Variants in ITIH2 observed in about 807,000 individuals in gnomAD.
The protein encoded by ITIH2 is inter-alpha-trypsin inhibitor heavy chain H2.
In ITIH2, 103 loss-of-function variants were observed where a neutral mutation model predicts 104.4. The ratio of observed to expected loss-of-function variants is 0.99; its 90% CI spans 0.84 to 1.16. ITIH2 has a LOEUF of 1.16. Ranked by LOEUF, ITIH2 falls within the 50% of genes most tolerant of loss-of-function variation. ITIH2 has a pLI of 0.00. For missense variants in ITIH2, 1,108 were observed against 1,162.4 expected, an observed-to-expected ratio of 0.95 and a Z score of 0.68; for synonymous variants, 436 against 435.4, an observed-to-expected ratio of 1.00 and a Z score of -0.02.
chr10:7,709,275 T>A, intron 4 of ITIH2, 84 bp downstream of exon 4: 1 of 1,267,856 alleles, frequency 7.9e-7, no homozygotes, highest in Non-Finnish European at 1.1e-6. Flanking sequence ...TGGACTTTAG[T>A]GGTCAACTGT....
At chr10:7,710,658 G>C (rs1304700647) in intron 4 of ITIH2, among the ~76,000 whole-genome samples, 1 of 152,200 alleles carries the variant, frequency 6.6e-6, no homozygotes, top group Non-Finnish European at 1.5e-5. Flanking sequence ...GCTGCCGAAA[G>C]TGGCAGTCAT....
At chr10:7,722,998 C>T (rs1005362048) in intron 8 of ITIH2, among the ~76,000 whole-genome samples, 3 of 143,112 alleles carry the variant, frequency 2.1e-5, no homozygotes, top group Admixed American at 7.0e-5. Flanking sequence ...AGTGGAGTGG[C>T]GTGAAGTCGG....
chr10:7,738,479 G>A (rs1180418537), intron 15 of ITIH2, 142 bp from the exon 16 acceptor site: 6 of 877,262 alleles, frequency 6.8e-6, no homozygotes, highest in African/African-American at 1.7e-5. Flanking sequence ...GAGGGAGCCC[G>A]AGAGAACTCT....
At chr10:7,719,024 G>A (rs1047081936) in intron 6 of ITIH2, among the ~76,000 whole-genome samples, 7 of 152,210 alleles carry the variant, frequency 4.6e-5, no homozygotes, top group African/African-American at 1.7e-4. Flanking sequence ...AAGAGGCAGA[G>A]CTAGGCAAGA....
chr10:7,707,785 G>A (rs111297004), intron 3 of ITIH2, among the ~76,000 whole-genome samples: 7,674 of 152,132 alleles, frequency 0.05, 262 homozygotes, highest in Admixed American at 0.077. Flanking sequence ...GGCTGGTCTC[G>A]AACTCCTGAC....
chr10:7,723,640 A>T lies in ITIH2; in HGVS notation c.984+73A>T, dbSNP rs1419459621. On this transcript the variant is annotated intron_variant, in intron 9 of 20. Transcript: ENST00000358415. ...TTGATCCCCTCCTAAAAATGCAATC[A>T]TTCTATCCCTCCTCCCTGCTTAGGG... 5 of 938,076 alleles carry T rather than the reference A, an allele frequency of 5.3e-6. No homozygotes were observed. In the Admixed American group the frequency reaches 8.5e-5, roughly 16 times the overall value. 58.1% of individuals were successfully genotyped at this position (938,076 alleles called of 1,614,324 possible).
At chr10:7,748,023 G>A (rs981221270) in intron 20 of ITIH2, among the ~76,000 whole-genome samples, 6 of 151,520 alleles carry the variant, frequency 4.0e-5, no homozygotes, top group African/African-American at 9.7e-5. Flanking sequence ...TTGCCAACAT[G>A]TTGAAACCCC....
intron 15 of ITIH2, 71 bp from the exon 16 acceptor site, chr10:7,738,550 T>A: frequency 1.3e-6 from 2 of 1,567,600 alleles, no homozygotes; most frequent in Non-Finnish European, 1.8e-6. Context: ...TAAAACAGAT[T>A]CTTGACATGG....
chr10:7,722,847 C>G (rs145837502), intron 8 of ITIH2, among the ~76,000 whole-genome samples: 1 of 152,232 alleles, frequency 6.6e-6, no homozygotes, highest in Non-Finnish European at 1.5e-5. Flanking sequence ...CTCCACTTAC[C>G]CTTATCCTCT....
Position 7,717,746 on chromosome 10 carries a change from C to T in ITIH2, c.588C>T (p.His196=). The change falls in exon 6 of 21, where the codon CAC becomes CAT. Residue 196 remains histidine (H), a synonymous_variant. Transcript: ENST00000358415. ...GGAGGAAGCTGGGCTCCTATGAGCA[C>T]AGGATCTATCTGCAACCTGGACGGC... is the stretch of plus-strand genomic sequence containing the variant. ...VKWRKLGSYE[H]RIYLQPGRLA... The T allele has an allele frequency of 6.2e-7, 1 of 1,612,646 alleles. No homozygotes were observed. The highest frequency in any genetic ancestry group is 8.5e-7 in the Non-Finnish European group (1 of 1,179,742).
At chr10:7,748,617 C>G (rs1240422212) in intron 20 of ITIH2, among the ~76,000 whole-genome samples, 2 of 134,120 alleles carry the variant, frequency 1.5e-5, no homozygotes, top group African/African-American at 5.5e-5. Context: ...CTTGGGCTCA[C>G]TGCAACCTCC....
rs76513467 is a variant in ITIH2, at chr10:7,744,467, C to T, written c.2408+187C>T. Among the ~76,000 whole-genome samples the T allele has an allele frequency of 4.5e-3, 684 of 152,292 alleles. 10 individuals carry two copies. The highest frequency in any genetic ancestry group is 0.016 in the African/African-American group (653 of 41,568). On this transcript the variant is annotated intron_variant, in intron 18 of 20. Coordinates refer to ENST00000358415, the MANE Select transcript of ITIH2 (RefSeq NM_002216.3). Reference sequence around the variant, plus strand: ...GTGGGCACTGTGTGTTTTTGGTCACCGTTGGGTCCCAGGACCTAGTCCAGT... The same window carrying T: ...GTGGGCACTGTGTGTTTTTGGTCACTGTTGGGTCCCAGGACCTAGTCCAGT...
Position 7,713,134 on chromosome 10 carries a change from A to AG in ITIH2, c.363-47_363-46insG, listed in dbSNP as rs764481949. On this transcript the variant is annotated intron_variant, in intron 4 of 20. Transcript: ENST00000358415. The stretch of plus-strand genomic sequence containing the variant: ...GACTCCATCTCGAGGGGAAAAAAAA[A>AG]AAAGATTACTATTCTGACCAACTGG... 3.3e-5 allele frequency: 49 copies of AG among 1,481,284 alleles called. No individual in the cohort carries two copies. The African/African-American group carries it at 6.5e-4, about 20-fold the overall frequency. 91.8% of individuals were successfully genotyped at this position (1,481,284 alleles called of 1,614,324 possible). A position where few individuals can be genotyped will look rare whatever the true frequency, so the allele number is the denominator to read the frequency against.
intron 6 of ITIH2, among the ~76,000 whole-genome samples, chr10:7,719,903 T>C (rs1834886153): frequency 7.0e-6 from 1 of 143,218 alleles, no homozygotes; most frequent in East Asian, 2.0e-4. Context: ...GGGTGGGGAA[T>C]GATAGACATT....
At position 7,703,651 on chromosome 10, in the gene ITIH2, G is replaced by C. The variant is rs139703481; in HGVS notation, c.84+133G>C. 137 of 632,862 alleles carry C rather than the reference G, an allele frequency of 2.2e-4. 1 individual carries two copies. The highest frequency in any genetic ancestry group is 2.1e-3 in the African/African-American group (115 of 54,492). The allele number at this position is 632,862 out of a possible 1,614,324, so 39.2% of individuals were successfully genotyped here. On this transcript the variant is annotated intron_variant, in intron 1 of 20. Transcript: ENST00000358415. ...AGATAAAATTCATCTGAGTGCAAGTGTTTACTGTTATAATTACTGGAATGT... is the reference window on the plus strand; with the variant it reads ...AGATAAAATTCATCTGAGTGCAAGTCTTTACTGTTATAATTACTGGAATGT...
At chr10:7,719,400 G>C (rs1009387506) in intron 6 of ITIH2, among the ~76,000 whole-genome samples, 1 of 152,218 alleles carries the variant, frequency 6.6e-6, no homozygotes, top group Non-Finnish European at 1.5e-5. Context: ...TTCCACTACT[G>C]ATGATGGATG....
Position 7,737,433 on chromosome 10 carries a change from G to A in ITIH2, c.1958-1188G>A, listed in dbSNP as rs201909025. 1.4e-4 allele frequency among the ~76,000 whole-genome samples: 17 copies of A among 124,198 alleles called. No individual in the cohort carries two copies. In the East Asian group the frequency reaches 2.3e-3, roughly 17 times the overall value. The allele number at this position is 124,198 out of a possible 152,430, so 81.5% of individuals were successfully genotyped here. ...TATATATATATATATATATACACGTGTATATATATATATAACAGATAACGT... is the reference window on the plus strand; with the variant it reads ...TATATATATATATATATATACACGTATATATATATATATAACAGATAACGT... On this transcript the variant is annotated intron_variant, in intron 15 of 20. Transcript: ENST00000358415.
rs374210001 is a variant in ITIH2, at chr10:7,709,047, A to G, written c.218A>G (p.Tyr73Cys). 4.3e-6 allele frequency: 7 copies of G among 1,613,998 alleles called. No individual in the cohort carries two copies. Among genetic ancestry groups the G allele is most frequent in the Admixed American group, 1.7e-5 (1 of 60,004 alleles). ...MMEEVDQVTLYSYKVQSTITS... is the reference protein window; with the variant it reads ...MMEEVDQVTLCSYKVQSTITS... ...GAAGAGGTTGATCAAGTAACTCTTT[A>G]TAGCTATAAAGTCCAGTCTACTATT... Residue 73 changes from tyrosine to cysteine, a missense_variant, in exon 4 of 21, where the codon TAT (tyrosine) becomes TGT (cysteine). Physicochemically the swap from Tyr to Cys is radical, Grantham distance 194. Coordinates refer to ENST00000358415, the MANE Select transcript of ITIH2 (RefSeq NM_002216.3).
At chr10:7,704,672 G>A (rs545323579) in intron 1 of ITIH2, among the ~76,000 whole-genome samples, 4 of 152,128 alleles carry the variant, frequency 2.6e-5, no homozygotes, top group Non-Finnish European at 5.9e-5. Flanking sequence ...GACGTAACCA[G>A]CAAATAGAAA....
Sources: gnomAD v4.1 joint callset for allele counts (sites outside exome capture counted in the v4.1 genomes callset) on GRCh38, gnomAD v4.1.1 for gene constraint, MANE v1.5 for transcripts, NCBI Gene and HGNC (gene_info 2026-07-23, HGNC 2026-07-21) for gene names.